CNBD1: variants seen among roughly 807,000 people sequenced by gnomAD.
CNBD1 encodes the protein cyclic nucleotide-binding domain-containing protein 1.
In CNBD1, 71 loss-of-function variants were observed where a neutral mutation model predicts 54.4. The observed-to-expected ratio is 1.30, with a 90% CI of 1.08 to 1.59. The LOEUF (loss-of-function observed/expected upper bound fraction) is 1.59. Among genes scored for constraint, CNBD1 ranks in the 40% most tolerant of loss-of-function variants. CNBD1 has a pLI of 0.00. For missense variants in CNBD1, 659 were observed against 518.0 expected (o/e 1.27, Z -2.64); for synonymous variants, 182 against 170.7 (o/e 1.07, Z -0.51).
intron 4 of CNBD1, among the ~76,000 whole-genome samples, chr8:87,169,485 C>T (rs953317292): frequency 6.6e-6 from 1 of 152,048 alleles, no homozygotes; most frequent in African/African-American, 2.4e-5. Flanking sequence ...CTTCGCCCAC[C>T]CTAACCTCCT....
intron 2 of CNBD1, among the ~76,000 whole-genome samples, chr8:87,416,552 T>C (rs560380181): frequency 6.6e-6 from 1 of 152,036 alleles, no homozygotes; most frequent in South Asian, 2.1e-4. Flanking sequence ...AGAACAGGGT[T>C]GGAGACCCTT....
chr8:86,982,589 T>G (rs2130511346), intron 4 of CNBD1, among the ~76,000 whole-genome samples: 1 of 152,346 alleles, frequency 6.6e-6, no homozygotes, highest in African/African-American at 2.4e-5. Context: ...CAAAAATTGA[T>G]TCATAAAAGA....
In CNBD1 at chr8:87,380,763, G is replaced by A. The variant is rs150768783; in HGVS notation, c.1304-1857G>A. 4.8e-3 allele frequency among the ~76,000 whole-genome samples: 728 copies of A among 151,922 alleles called. 3 individuals are homozygous for A. Among genetic ancestry groups the A allele is most frequent in the Middle Eastern group, 0.014 (4 of 294 alleles). ...CTAAGTTTATTCTAAGTATTTTATT[G>A]TTTTTTAGGACTGTTGTAAATGGGG... On this transcript the variant is annotated intron_variant, in intron 10 of 10. Coordinates refer to ENST00000518476, the MANE Select transcript of CNBD1 (RefSeq NM_173538.3).
rs144796820 is a variant in CNBD1 at position 87,034,997 on chromosome 8, G to T, written c.431+95243G>T. 4.6e-3 allele frequency among the ~76,000 whole-genome samples: 699 copies of T among 152,024 alleles called. 6 individuals carry two copies. The highest frequency in any genetic ancestry group is 0.016 in the African/African-American group (669 of 41,494). On this transcript the variant is annotated intron_variant, in intron 4 of 10. Transcript: ENST00000518476. ...TTTAGTTTTTTTGACATTTTTTGCT[G>T]TATGTTTACATTTGAACAACTTGAC...
intron 10 of CNBD1, among the ~76,000 whole-genome samples, chr8:87,356,370 A>T (rs887134395): frequency 5.9e-5 from 9 of 152,196 alleles, no homozygotes; most frequent in African/African-American, 2.2e-4. Context: ...AGAAGTATGG[A>T]TAGTGAAGGC....
At chr8:87,402,261 G>A (rs1807578186) in intron 2 of CNBD1, among the ~76,000 whole-genome samples, 1 of 151,934 alleles carries the variant, frequency 6.6e-6, no homozygotes, top group South Asian at 2.1e-4. Context: ...CCCAAAACAT[G>A]TGGAGATTAT....
intron 4 of CNBD1, among the ~76,000 whole-genome samples, chr8:87,076,090 A>T (rs923426914): frequency 1.3e-5 from 2 of 152,216 alleles, no homozygotes; most frequent in Non-Finnish European, 2.9e-5. Context: ...AATAGTGCAG[A>T]TGGGATAAGA....
chr8:87,008,028 G>A (rs867895498), intron 4 of CNBD1, among the ~76,000 whole-genome samples: 3 of 152,062 alleles, frequency 2.0e-5, no homozygotes, highest in Non-Finnish European at 4.4e-5. Context: ...GTTTTCATAC[G>A]GATTTTAAAA....
Position 87,325,064 on chromosome 8 carries a change from A to G in CNBD1, c.1043-26621A>G, listed in dbSNP as rs1214689561. 2.0e-5 allele frequency among the ~76,000 whole-genome samples: 2 copies of G among 97,718 alleles called. 1 individual carries two copies. Among genetic ancestry groups the G allele is most frequent in the Non-Finnish European group, 4.1e-5 (2 of 49,024 alleles). The allele number at this position is 97,718 out of a possible 152,430, so 64.1% of individuals were successfully genotyped here. A position where few individuals can be genotyped will look rare whatever the true frequency, so the allele number is the denominator to read the frequency against. ...TCTGCCTTCATTTCGTTATGTACCC[A>G]GTAGTCATTCAGGAGCAGGTTGTTC... On this transcript the variant is annotated intron_variant, in intron 8 of 10. Coordinates refer to ENST00000518476, the MANE Select transcript of CNBD1 (RefSeq NM_173538.3).
rs543708673 is a variant in CNBD1, at chr8:87,135,563, G to A, written c.432-70430G>A. ...AAATGTTTGTCATCCTAGATCAAAG[G>A]CATCTAATATGTATAATATATATGC... On this transcript the variant is annotated intron_variant, in intron 4 of 10. Coordinates refer to ENST00000518476, the MANE Select transcript of CNBD1 (RefSeq NM_173538.3). 2.7e-4 allele frequency among the ~76,000 whole-genome samples: 39 copies of A among 147,008 alleles called. No individual in the cohort carries two copies. In the South Asian group the frequency reaches 7.7e-3, roughly 29 times the overall value.
intron 3 of CNBD1, among the ~76,000 whole-genome samples, chr8:86,921,334 G>A (rs1034486637): frequency 1.3e-5 from 2 of 151,572 alleles, no homozygotes; most frequent in Non-Finnish European, 2.9e-5. Context: ...TGAATGAGAT[G>A]CTCCTTGTGT....
intron 1 of CNBD1, among the ~76,000 whole-genome samples, chr8:86,866,946 G>T (rs1341101372): frequency 6.6e-6 from 1 of 152,074 alleles, no homozygotes; most frequent in African/African-American, 2.4e-5. Context: ...ACCAAGAGTT[G>T]GTCCTACTAC....
chr8:87,027,111 G>T (rs560752696), intron 4 of CNBD1, among the ~76,000 whole-genome samples: 1 of 151,780 alleles, frequency 6.6e-6, no homozygotes, highest in African/African-American at 2.4e-5. Context: ...TTTGGTAAAC[G>T]CAATATATAA....
chr8:87,062,823 A>G (rs553804863), intron 4 of CNBD1, among the ~76,000 whole-genome samples: 1 of 152,338 alleles, frequency 6.6e-6, no homozygotes, highest in African/African-American at 2.4e-5. Flanking sequence ...TTTGGTTAAA[A>G]GTATATTGAA....
At chr8:87,058,882 C>T (rs1810481988) in intron 4 of CNBD1, among the ~76,000 whole-genome samples, 1 of 152,204 alleles carries the variant, frequency 6.6e-6, no homozygotes, top group Admixed American at 6.5e-5. Context: ...ATTTATGCAG[C>T]AGGCTTGAAT....
chr8:87,135,617 T>C (rs6996783), intron 4 of CNBD1, among the ~76,000 whole-genome samples: 88,680 of 147,216 alleles, frequency 0.6, 27,935 homozygotes, highest in African/African-American at 0.79. Context: ...CTATATATAA[T>C]ATCTATGCAA....
At chr8:86,931,031 A>G (rs1809448182) in intron 3 of CNBD1, among the ~76,000 whole-genome samples, 1 of 152,174 alleles carries the variant, frequency 6.6e-6, no homozygotes, top group Admixed American at 6.5e-5. Flanking sequence ...ATTCATGTAG[A>G]TAATAGCTCC....
Position 87,349,920 on chromosome 8 carries a change from C to T in CNBD1, c.1043-1765C>T, listed in dbSNP as rs572093719. Reference sequence around the variant, plus strand: ...GAAAAATTCCTGTGGCCTTATTCCTCTTTGTTGTTATATATACTTCTCTGT... The same window carrying T: ...GAAAAATTCCTGTGGCCTTATTCCTTTTTGTTGTTATATATACTTCTCTGT... On this transcript the variant is annotated intron_variant, in intron 8 of 10. Transcript: ENST00000518476. Among the ~76,000 whole-genome samples, 15 of 152,294 alleles carry T rather than the reference C, an allele frequency of 9.8e-5. No individual in the cohort carries two copies. The Middle Eastern group carries it at 0.017, about 173-fold the overall frequency.
chr8:86,937,734 A>AT (rs35022028), intron 3 of CNBD1, among the ~76,000 whole-genome samples: 84,523 of 151,676 alleles, frequency 0.56, 23,949 homozygotes, highest in South Asian at 0.67. Context: ...CCATGAAACC[A>AT]TTTTTTCCTC....
Sources: gnomAD v4.1 joint callset for allele counts (sites outside exome capture counted in the v4.1 genomes callset) on GRCh38, gnomAD v4.1.1 for gene constraint, MANE v1.5 for transcripts, NCBI Gene and HGNC (gene_info 2026-07-23, HGNC 2026-07-21) for gene names.